AKIRIN2: variants seen among roughly 807,000 people sequenced by gnomAD.
AKIRIN2 encodes the protein akirin 2, also known as akirin-2.
A neutral mutation model predicts 29.3 loss-of-function variants in AKIRIN2; 6 were observed. That is an observed-to-expected ratio of 0.20 (90% CI 0.11 to 0.40). AKIRIN2 has a LOEUF of 0.40. Among genes scored for constraint, AKIRIN2 ranks in the 10% least tolerant of loss-of-function variants. The probability of loss-of-function intolerance (pLI) is 1.00; values close to 1 mark genes in which losing one functional copy is unlikely to be tolerated. For missense variants in AKIRIN2, 210 were observed against 276.1 expected, an observed-to-expected ratio of 0.76 and a Z score of 1.70; for synonymous variants, 128 against 117.5, an observed-to-expected ratio of 1.09 and a Z score of -0.58.
chr6:87,700,233 A>C (rs560053030), intron 1 of AKIRIN2, among the ~76,000 whole-genome samples: 2 of 149,550 alleles, frequency 1.3e-5, no homozygotes, highest in Admixed American at 1.4e-4. Flanking sequence ...TTCGAGGGTC[A>C]CTCCATGGAT....
At chr6:87,687,451 A>AAAAAAAAC (rs1554257470) in intron 1 of AKIRIN2, among the ~76,000 whole-genome samples, 5 of 150,440 alleles carry the variant, frequency 3.3e-5, no homozygotes, top group African/African-American at 1.2e-4. Flanking sequence ...AAAAAAAAAA[A>AAAAAAAAC]AAAAACACAC....
chr6:87,682,948 A>G (rs1393755317), intron 1 of AKIRIN2, among the ~76,000 whole-genome samples: 1 of 152,142 alleles, frequency 6.6e-6, no homozygotes. Flanking sequence ...AAAGAAAGCT[A>G]AAGATTTACA....
At chr6:87,684,301 A>G (rs2128301530) in intron 1 of AKIRIN2, among the ~76,000 whole-genome samples, 1 of 152,338 alleles carries the variant, frequency 6.6e-6, no homozygotes, top group Non-Finnish European at 1.5e-5. Context: ...AAGAAACGGT[A>G]AAACTTTTAA....
At chr6:87,692,810 C>CA (rs1378751041) in intron 1 of AKIRIN2, among the ~76,000 whole-genome samples, 2 of 151,610 alleles carry the variant, frequency 1.3e-5, no homozygotes, top group Non-Finnish European at 2.9e-5. Context: ...ACTCTTGTCT[C>CA]AAAAATAAAT....
intron 4 of AKIRIN2, 106 bp from the exon 5 acceptor site, chr6:87,675,713 G>C: frequency 6.7e-7 from 1 of 1,494,594 alleles, no homozygotes; most frequent in Non-Finnish European, 9.2e-7. Flanking sequence ...GTAACCAAAA[G>C]ACTTGCAAAG....
Position 87,701,439 on chromosome 6 carries a change from C to T in AKIRIN2, c.235+11G>A. On this transcript the variant is annotated intron_variant, in intron 1 of 4. Coordinates refer to ENST00000257787, the MANE Select transcript of AKIRIN2 (RefSeq NM_018064.4). Reference sequence around the variant, plus strand: ...CTCCACTACCCCGGCGGCCGCGGGGCCGGGTCCCACCTGTGGTGAGGCGGG... The same window carrying T: ...CTCCACTACCCCGGCGGCCGCGGGGTCGGGTCCCACCTGTGGTGAGGCGGG... The T allele has an allele frequency of 6.5e-7, 1 of 1,531,070 alleles. No individual in the cohort carries two copies. Among genetic ancestry groups the T allele is most frequent in the Non-Finnish European group, 8.8e-7 (1 of 1,141,004 alleles). 94.8% of individuals were successfully genotyped at this position (1,531,070 alleles called of 1,614,324 possible). A position where few individuals can be genotyped will look rare whatever the true frequency, so the allele number is the denominator to read the frequency against.
intron 1 of AKIRIN2, among the ~76,000 whole-genome samples, chr6:87,683,108 T>C (rs987785761): frequency 6.6e-6 from 1 of 152,188 alleles, no homozygotes; most frequent in Admixed American, 6.5e-5. Context: ...AATAAGTTCC[T>C]TAAACATTTT....
intron 1 of AKIRIN2, among the ~76,000 whole-genome samples, chr6:87,683,365 C>T (rs1032282562): frequency 1.6e-4 from 25 of 152,124 alleles, no homozygotes; most frequent in East Asian, 1.2e-3. Context: ...TTGTTTAATA[C>T]GGGTTATGCT....
At chr6:87,679,309 G>A (rs1771080655) in intron 2 of AKIRIN2, among the ~76,000 whole-genome samples, 2 of 152,064 alleles carry the variant, frequency 1.3e-5, no homozygotes, top group South Asian at 4.1e-4. Context: ...GAAGCAGGTG[G>A]AACCCTTGAG....
At chr6:87,691,778 TTGAG>T (rs1425799522) in intron 1 of AKIRIN2, among the ~76,000 whole-genome samples, 3 of 152,200 alleles carry the variant, frequency 2.0e-5, no homozygotes, top group Non-Finnish European at 2.9e-5. Context: ...GGAGGACTGA[TTGAG>T]TGTCATGGAA....
intron 1 of AKIRIN2, among the ~76,000 whole-genome samples, chr6:87,687,355 C>A (rs1771204296): frequency 6.8e-6 from 1 of 147,516 alleles, no homozygotes. Context: ...CCAGCCTGAC[C>A]AACTCCAAGA....
intron 3 of AKIRIN2, among the ~76,000 whole-genome samples, chr6:87,676,596 A>AACACACGCACGCGCGCGCGC (rs1485678233): frequency 2.1e-5 from 3 of 142,044 alleles, no homozygotes; most frequent in African/African-American, 8.1e-5. Context: ...CTCTACTAAA[A>AACACACGCACGCGCGCGCGC]ACACACACAC....
intron 3 of AKIRIN2, among the ~76,000 whole-genome samples, chr6:87,676,359 G>A (rs372218823): frequency 2.0e-5 from 3 of 149,384 alleles, no homozygotes; most frequent in Admixed American, 6.7e-5. Flanking sequence ...CCAACTACTC[G>A]GGAGGCTGAG....
chr6:87,675,999 A>G, intron 3 of AKIRIN2, 68 bp from the exon 4 acceptor site: 3 of 1,280,444 alleles, frequency 2.3e-6, no homozygotes, highest in Admixed American at 3.8e-5. Context: ...AACTGAAAAC[A>G]CAAAATATAC....
At chr6:87,689,319 T>C (rs1394709533) in intron 1 of AKIRIN2, among the ~76,000 whole-genome samples, 1 of 152,102 alleles carries the variant, frequency 6.6e-6, no homozygotes, top group Non-Finnish European at 1.5e-5. Flanking sequence ...CTGGCCAACA[T>C]GGCAAAACCC....
At chr6:87,697,286 C>G (rs1771385610) in intron 1 of AKIRIN2, among the ~76,000 whole-genome samples, 1 of 148,100 alleles carries the variant, frequency 6.8e-6, no homozygotes, top group Non-Finnish European at 1.5e-5. Context: ...GCACTCCAGC[C>G]TGAGTAAGAC....
At chr6:87,676,431 A>C (rs1185576111) in intron 3 of AKIRIN2, among the ~76,000 whole-genome samples, 1 of 101,358 alleles carries the variant, frequency 9.9e-6, no homozygotes, top group Non-Finnish European at 1.9e-5. Context: ...GCGCCACTGC[A>C]CTCCAGCCTG....
intron 1 of AKIRIN2, among the ~76,000 whole-genome samples, chr6:87,697,972 C>T: frequency 6.6e-6 from 1 of 152,124 alleles, no homozygotes; most frequent in African/African-American, 2.4e-5. Context: ...GATTGACGGT[C>T]TCTTATAATG....
intron 1 of AKIRIN2, among the ~76,000 whole-genome samples, chr6:87,700,062 CAATT>C (rs1245641741): frequency 4.6e-5 from 7 of 150,924 alleles, no homozygotes; most frequent in African/African-American, 1.2e-4. Flanking sequence ...TAAAGCCTAA[CAATT>C]AATCAACAAA....
Sources: gnomAD v4.1 joint callset for allele counts (sites outside exome capture counted in the v4.1 genomes callset) on GRCh38, gnomAD v4.1.1 for gene constraint, MANE v1.5 for transcripts, NCBI Gene and HGNC (gene_info 2026-07-23, HGNC 2026-07-21) for gene names.